NSMCE2: variants seen among roughly 807,000 people sequenced by gnomAD.
NSMCE2 encodes NSE2 SUMO ligase component of SMC5/6 complex, also known as E3 SUMO-protein ligase NSE2.
A neutral mutation model predicts 23.8 loss-of-function variants in NSMCE2; 24 were observed. The ratio of observed to expected loss-of-function variants is 1.01; its 90% CI spans 0.73 to 1.42. The LOEUF (loss-of-function observed/expected upper bound fraction) is 1.42. Ranked by LOEUF, NSMCE2 falls within the 40% of genes most tolerant of loss-of-function variation. The pLI, the probability that NSMCE2 is intolerant of heterozygous loss-of-function variation, is 0.00. For missense variants in NSMCE2, 284 were observed against 296.5 expected, an observed-to-expected ratio of 0.96 and a Z score of 0.31; for synonymous variants, 92 against 94.1, an observed-to-expected ratio of 0.98 and a Z score of 0.13.
intron 4 of NSMCE2, among the ~76,000 whole-genome samples, chr8:125,171,066 C>G (rs188471883): frequency 4.7e-3 from 723 of 152,310 alleles, no homozygotes; most frequent in Non-Finnish European, 7.3e-3. Flanking sequence ...GTGACTCCAA[C>G]TATATGGCTC....
intron 7 of NSMCE2, among the ~76,000 whole-genome samples, chr8:125,361,742 G>C (rs143902202): frequency 5.6e-4 from 86 of 152,304 alleles, no homozygotes; most frequent in African/African-American, 1.9e-3. Context: ...TTAAGACCGA[G>C]GCTGATAGAG....
intron 5 of NSMCE2, among the ~76,000 whole-genome samples, chr8:125,309,324 A>G (rs2131225192): frequency 6.6e-6 from 1 of 152,148 alleles, no homozygotes; most frequent in South Asian, 2.1e-4. Context: ...AAGTTTAATC[A>G]GTGTATAAAA....
intron 5 of NSMCE2, among the ~76,000 whole-genome samples, chr8:125,195,743 C>T (rs1823581965): frequency 6.6e-6 from 1 of 152,082 alleles, no homozygotes; most frequent in African/African-American, 2.4e-5. Context: ...TTCTTTATAA[C>T]TCTAAAACAA....
At chr8:125,350,505 T>C (rs1288069676) in intron 5 of NSMCE2, among the ~76,000 whole-genome samples, 1 of 152,160 alleles carries the variant, frequency 6.6e-6, no homozygotes, top group Non-Finnish European at 1.5e-5. Context: ...ATTTTCATGC[T>C]GTTGATAAAG....
At chr8:125,316,727 CTTCT>C (rs1586758753) in intron 5 of NSMCE2, among the ~76,000 whole-genome samples, 1 of 60,290 alleles carries the variant, frequency 1.7e-5, no homozygotes, top group East Asian at 4.9e-4. Flanking sequence ...TCTTTCTTTC[CTTCT>C]TTTCCTTCCT....
intron 3 of NSMCE2, chr8:125,130,362 T>C (rs781337325): frequency 2.9e-5 from 13 of 443,548 alleles, no homozygotes; most frequent in Non-Finnish European, 5.4e-5. Flanking sequence ...AAGGTACTTT[T>C]TTCTTTCTTT....
intron 3 of NSMCE2, among the ~76,000 whole-genome samples, chr8:125,141,543 ATGT>A (rs1383933623): frequency 2.0e-5 from 3 of 152,204 alleles, no homozygotes; most frequent in Non-Finnish European, 4.4e-5. Flanking sequence ...CACTGAATTC[ATGT>A]TGTTGTAACA....
intron 4 of NSMCE2, among the ~76,000 whole-genome samples, chr8:125,170,937 C>A (rs1460685641): frequency 6.6e-6 from 1 of 152,112 alleles, no homozygotes; most frequent in African/African-American, 2.4e-5. Flanking sequence ...CTGTGCAAAA[C>A]CTTCACACAT....
intron 4 of NSMCE2, among the ~76,000 whole-genome samples, chr8:125,159,124 T>G (rs1182983209): frequency 1.3e-5 from 2 of 152,210 alleles, no homozygotes; most frequent in African/African-American, 4.8e-5. Context: ...TACAGTACAA[T>G]AAGACATTTT....
intron 5 of NSMCE2, among the ~76,000 whole-genome samples, chr8:125,257,638 A>G (rs950729796): frequency 7.1e-6 from 1 of 141,714 alleles, no homozygotes; most frequent in Non-Finnish European, 1.5e-5. Flanking sequence ...GGTTCACGCC[A>G]TTCTCCTGCC....
intron 5 of NSMCE2, among the ~76,000 whole-genome samples, chr8:125,232,086 G>A (rs1214974829): frequency 6.6e-6 from 1 of 152,198 alleles, no homozygotes; most frequent in African/African-American, 2.4e-5. Flanking sequence ...CTGATGCCGG[G>A]CGCAGTGGCT....
chr8:125,117,914 G>A (rs902250912), intron 3 of NSMCE2, among the ~76,000 whole-genome samples: 2 of 152,228 alleles, frequency 1.3e-5, no homozygotes, highest in Middle Eastern at 6.8e-3. Context: ...CAAGAATGTA[G>A]GAAGTTACTT....
At chr8:125,302,660 A>G (rs1490745031) in intron 5 of NSMCE2, among the ~76,000 whole-genome samples, 2 of 152,224 alleles carry the variant, frequency 1.3e-5, no homozygotes, top group African/African-American at 4.8e-5. Context: ...GAACAATGAT[A>G]TAAAGCAAAT....
chr8:125,150,218 T>C (rs761874974), intron 3 of NSMCE2, among the ~76,000 whole-genome samples: 7 of 152,132 alleles, frequency 4.6e-5, no homozygotes, highest in Non-Finnish European at 8.8e-5. Context: ...TTTTGGTTCA[T>C]CTTTATACAA....
intron 5 of NSMCE2, among the ~76,000 whole-genome samples, chr8:125,300,104 C>T (rs535147096): frequency 6.6e-6 from 1 of 151,648 alleles, no homozygotes; most frequent in Non-Finnish European, 1.5e-5. Context: ...CAGGCATGAG[C>T]CACTACACCT....
chr8:125,232,873 G>A (rs554498017), intron 5 of NSMCE2, among the ~76,000 whole-genome samples: 10 of 152,302 alleles, frequency 6.6e-5, no homozygotes, highest in African/African-American at 2.4e-4. Flanking sequence ...CTAAAGGACT[G>A]TTATGTGAAT....
chr8:125,359,184 A>G, intron 7 of NSMCE2, among the ~76,000 whole-genome samples: 1 of 148,530 alleles, frequency 6.7e-6, no homozygotes, highest in East Asian at 2.1e-4. Context: ...GGAGAATGGC[A>G]TGAACCCGGG....
chr8:125,219,855 C>T (rs1282081188), intron 5 of NSMCE2, among the ~76,000 whole-genome samples: 7 of 152,184 alleles, frequency 4.6e-5, no homozygotes, highest in African/African-American at 1.7e-4. Context: ...AAGTAGGATT[C>T]ATTAATTTTC....
At chr8:125,326,939 T>C (rs769300628) in intron 5 of NSMCE2, among the ~76,000 whole-genome samples, 20 of 119,258 alleles carry the variant, frequency 1.7e-4, no homozygotes, top group Admixed American at 7.4e-4. Context: ...CTGGGTGACA[T>C]GAGCAAAACT....
Sources: gnomAD v4.1 joint callset for allele counts (sites outside exome capture counted in the v4.1 genomes callset) on GRCh38, gnomAD v4.1.1 for gene constraint, MANE v1.5 for transcripts, NCBI Gene and HGNC (gene_info 2026-07-23, HGNC 2026-07-21) for gene names.